TMED3: variants seen among roughly 807,000 people sequenced by gnomAD.
The protein encoded by TMED3 is transmembrane p24 trafficking protein 3, also known as transmembrane emp24 domain-containing protein 3.
In TMED3, 9 loss-of-function variants were observed where a neutral mutation model predicts 15.0. The ratio of observed to expected loss-of-function variants is 0.60; its 90% CI spans 0.36 to 1.04. The LOEUF is 1.04. Ranked by LOEUF, TMED3 falls within the 50% of genes least tolerant of loss-of-function variation. TMED3 has a pLI of 0.01. For missense variants in TMED3, 267 were observed against 278.9 expected, an observed-to-expected ratio of 0.96 and a Z score of 0.30; for synonymous variants, 117 against 121.4, an observed-to-expected ratio of 0.96 and a Z score of 0.24.
chr15:79,387,024 C>G (rs1291739703), intron 2 of TMED3, among the ~76,000 whole-genome samples: 1 of 149,930 alleles, frequency 6.7e-6, no homozygotes, highest in South Asian at 2.1e-4. Flanking sequence ...GAATCCTGGG[C>G]TCAAGCGATT....
chr15:79,366,551 G>A (rs1007216679), intron 2 of TMED3, among the ~76,000 whole-genome samples: 2 of 152,164 alleles, frequency 1.3e-5, no homozygotes, highest in African/African-American at 4.8e-5. Flanking sequence ...TTCTCAGGGC[G>A]AGCTAGGTGC....
chr15:79,408,336 G>A (rs1045877810), intron 2 of TMED3, among the ~76,000 whole-genome samples: 2 of 152,280 alleles, frequency 1.3e-5, no homozygotes, highest in Middle Eastern at 3.4e-3. Context: ...TCCTCCCATC[G>A]GACGTATGAG....
At chr15:79,331,458 A>G (rs1324208010) in intron 2 of TMED3, among the ~76,000 whole-genome samples, 1 of 152,048 alleles carries the variant, frequency 6.6e-6, no homozygotes, top group Admixed American at 6.5e-5. Flanking sequence ...AAACTATTAG[A>G]AGAAAACAAA....
chr15:79,327,477 T>A (rs1420256090), downstream of TMED3, among the ~76,000 whole-genome samples: 1 of 152,198 alleles, frequency 6.6e-6, no homozygotes, highest in Non-Finnish European at 1.5e-5. Flanking sequence ...CACCCCTGGG[T>A]TGGAAAATTC....
intron 2 of TMED3, among the ~76,000 whole-genome samples, chr15:79,343,433 A>G (rs549940555): frequency 1.6e-4 from 25 of 152,298 alleles, no homozygotes; most frequent in African/African-American, 5.8e-4. Context: ...TCAGCATAAT[A>G]TATGCTCTTT....
intron 2 of TMED3, among the ~76,000 whole-genome samples, chr15:79,381,118 G>A (rs1396047643): frequency 3.3e-5 from 5 of 152,138 alleles, no homozygotes; most frequent in Non-Finnish European, 7.4e-5. Flanking sequence ...AAGTCTCTGT[G>A]CAAGGGGTAT....
At chr15:79,365,344 C>T (rs948119080) in intron 2 of TMED3, among the ~76,000 whole-genome samples, 1 of 152,206 alleles carries the variant, frequency 6.6e-6, no homozygotes, top group Admixed American at 6.5e-5. Flanking sequence ...GGCTTGTGGA[C>T]ATCACCTCCT....
chr15:79,382,831 A>G lies in TMED3; in HGVS notation c.418-28569A>G, dbSNP rs1260259604. 31 of 767,620 alleles carry G rather than the reference A, an allele frequency of 4.0e-5. No homozygotes were observed. In the East Asian group the frequency reaches 6.7e-4, roughly 17 times the overall value. The allele number at this position is 767,620 out of a possible 1,614,324, so 47.6% of individuals were successfully genotyped here. On this transcript the variant is annotated intron_variant, in intron 2 of 2. Transcript: ENST00000424155. ...TACTTGTGAAGTAGTGTTTTCAGATATAGGTGCAGGGAAGCTTCTTTTATA... is the reference window on the plus strand; with the variant it reads ...TACTTGTGAAGTAGTGTTTTCAGATGTAGGTGCAGGGAAGCTTCTTTTATA...
intron 2 of TMED3, among the ~76,000 whole-genome samples, chr15:79,394,352 C>T (rs559272941): frequency 2.0e-5 from 3 of 152,128 alleles, no homozygotes; most frequent in Non-Finnish European, 2.9e-5. Flanking sequence ...GTGTTTACTG[C>T]GACAAGTTTC....
At chr15:79,404,391 C>T (rs558249226) in intron 2 of TMED3, among the ~76,000 whole-genome samples, 1 of 152,276 alleles carries the variant, frequency 6.6e-6, no homozygotes, top group Admixed American at 6.5e-5. Context: ...GAGAGGGACC[C>T]CATGCCATGG....
Position 79,376,092 on chromosome 15 carries a change from G to GTTTTTTTTTTTTTTTTTTTT in TMED3, c.418-35292_418-35273dup, listed in dbSNP as rs199728545. ...CTTACTTCATCTATTCTAGAGAAAGGTTTTTTTTTTTTTTTTTTTTTTTTT... is the reference window on the plus strand; with the variant it reads ...CTTACTTCATCTATTCTAGAGAAAGGTTTTTTTTTTTTTTTTTTTTTTTTTTTTTTTTTTTTTTTTTTTTT... On this transcript the variant is annotated intron_variant, in intron 2 of 2. Transcript: ENST00000424155. Among the ~76,000 whole-genome samples the GTTTTTTTTTTTTTTTTTTTT allele has an allele frequency of 4.5e-5, 5 of 112,064 alleles. 1 individual carries two copies. The highest frequency in any genetic ancestry group is 1.5e-4 in the African/African-American group (4 of 27,450). 73.5% of individuals were successfully genotyped at this position (112,064 alleles called of 152,430 possible). A position where few individuals can be genotyped will look rare whatever the true frequency, so the allele number is the denominator to read the frequency against.
chr15:79,319,074 C>T (rs1043190537), intron 2 of TMED3, among the ~76,000 whole-genome samples: 26 of 152,220 alleles, frequency 1.7e-4, no homozygotes, highest in African/African-American at 6.3e-4. Flanking sequence ...ACTGAGAAAA[C>T]AGGACAGAGG....
intron 2 of TMED3, among the ~76,000 whole-genome samples, chr15:79,356,560 C>G (rs1255495912): frequency 6.6e-6 from 1 of 152,172 alleles, no homozygotes; most frequent in Non-Finnish European, 1.5e-5. Flanking sequence ...AAATGAACAA[C>G]AAACACATAC....
In TMED3 at chr15:79,369,021, G is replaced by A. The variant is rs921551490; in HGVS notation, c.418-42379G>A. Among the ~76,000 whole-genome samples the A allele has an allele frequency of 5.3e-4, 81 of 151,624 alleles. 1 individual carries two copies. Among genetic ancestry groups the A allele is most frequent in the Non-Finnish European group, 1.9e-4 (13 of 67,950 alleles). On this transcript the variant is annotated intron_variant, in intron 2 of 2. Transcript: ENST00000424155. ...GAGGCAGGAGAATCACTTGAACCTC[G>A]GAGGTCAGGTTGCAGTGAGCCGAGA...
chr15:79,381,485 G>C (rs1893535721), intron 2 of TMED3, among the ~76,000 whole-genome samples: 1 of 152,212 alleles, frequency 6.6e-6, no homozygotes. Context: ...GAGGTAGCAG[G>C]TGATCTGTAG....
chr15:79,338,813 C>G (rs2058837626), intron 2 of TMED3, among the ~76,000 whole-genome samples: 1 of 152,210 alleles, frequency 6.6e-6, no homozygotes, highest in African/African-American at 2.4e-5. Flanking sequence ...ACGGTAATGC[C>G]AGCATCTGGG....
intron 2 of TMED3, among the ~76,000 whole-genome samples, chr15:79,377,119 A>G (rs117414443): frequency 0.016 from 2,384 of 152,336 alleles, 25 homozygotes; most frequent in Non-Finnish European, 0.023. Context: ...TAAATGAACA[A>G]GATCACTCTT....
chr15:79,324,763 C>T (rs981764453), downstream of TMED3, among the ~76,000 whole-genome samples: 4 of 152,122 alleles, frequency 2.6e-5, no homozygotes, highest in African/African-American at 9.7e-5. Flanking sequence ...GACTCGTTGA[C>T]ATCTGGGCAG....
At chr15:79,315,860 C>T (rs561792580) in intron 2 of TMED3, 19 of 152,256 alleles carry the variant, frequency 1.2e-4, no homozygotes, top group Non-Finnish European at 1.8e-4. Flanking sequence ...ACTGGGCACC[C>T]TGCAAGGAGC....
Sources: allele counts gnomAD v4.1 joint callset (sites outside exome capture counted in the v4.1 genomes callset), GRCh38; gene constraint gnomAD v4.1.1; transcripts MANE v1.5; gene names NCBI Gene and HGNC (gene_info 2026-07-23, HGNC 2026-07-21).